The following SEC24B variants were observed in gnomAD, a reference collection of about 807,000 sequenced individuals.
SEC24B encodes SEC24 homolog B, COPII component.
A neutral mutation model predicts 142.8 loss-of-function variants in SEC24B; 45 were observed. The ratio of observed to expected loss-of-function variants is 0.32; its 90% CI spans 0.25 to 0.40. SEC24B has a LOEUF of 0.40. SEC24B is among the 10% of genes least tolerant of loss of function. The pLI is 1.00. For missense variants in SEC24B, 1,409 were observed against 1,526.8 expected (o/e 0.92, Z 1.29); for synonymous variants, 574 against 568.2 (o/e 1.01, Z -0.15).
chr4:109,450,319 C>A (rs1333199021), intron 1 of SEC24B, among the ~76,000 whole-genome samples: 1 of 152,120 alleles, frequency 6.6e-6, no homozygotes, highest in Non-Finnish European at 1.5e-5. Flanking sequence ...AAGAAATATT[C>A]TTTGGGAGAT....
chr4:109,478,001 A>G (rs372051928), intron 3 of SEC24B, among the ~76,000 whole-genome samples: 4 of 152,210 alleles, frequency 2.6e-5, no homozygotes, highest in East Asian at 3.9e-4. Context: ...AATAATTACA[A>G]CTGGGCATGG....
At chr4:109,455,043 T>C (rs150527308) in intron 1 of SEC24B, among the ~76,000 whole-genome samples, 146 of 152,316 alleles carry the variant, frequency 9.6e-4, no homozygotes, top group African/African-American at 3.0e-3. Flanking sequence ...ATGGACAGTT[T>C]CCTCTATCTT....
intron 1 of SEC24B, among the ~76,000 whole-genome samples, chr4:109,457,475 C>T (rs1300714526): frequency 3.3e-5 from 5 of 152,310 alleles, no homozygotes; most frequent in East Asian, 1.9e-4. Flanking sequence ...GAAAACATCA[C>T]GTGGCAGAAG....
Position 109,516,619 on chromosome 4 carries a change from C to A in SEC24B, c.2105C>A (p.Ser702Ter). 1 of 1,603,832 alleles carries A rather than the reference C, an allele frequency of 6.2e-7. No individual in the cohort carries two copies. The highest frequency in any genetic ancestry group is 1.1e-5 in the South Asian group (1 of 90,608). ...EAGYLTILCQSLLENLDKLPG... is the reference protein window; with the variant it reads ...EAGYLTILCQ ...GGATATTTGACAATTTTGTGCCAGT[C>A]ACTCCTAGAAAATCTAGACAAGTAA... The change falls in exon 11 of 24, where the codon TCA becomes TAA. Residue 702 changes from serine (S) to a stop codon, truncating the protein, a stop_gained. Transcript: ENST00000265175. LOFTEE classifies it high-confidence loss of function.
chr4:109,481,803 G>GTTCT, intron 4 of SEC24B, 22 bp downstream of exon 4: 1 of 1,556,802 alleles, frequency 6.4e-7, no homozygotes. Flanking sequence ...CTTTACACCA[G>GTTCT]TTCTTGATCT....
chr4:109,444,767 T>C (rs1170992142), intron 1 of SEC24B, among the ~76,000 whole-genome samples: 6 of 152,118 alleles, frequency 3.9e-5, no homozygotes, highest in African/African-American at 1.2e-4. Context: ...CCATTGAAAA[T>C]ATTATAGACC....
chr4:109,454,690 C>T (rs1452308643), intron 1 of SEC24B, among the ~76,000 whole-genome samples: 4 of 152,216 alleles, frequency 2.6e-5, no homozygotes, highest in Admixed American at 2.6e-4. Context: ...ACCAGATTCC[C>T]TCTTCCCCAA....
At chr4:109,522,058 T>C (rs1723681138) in intron 14 of SEC24B, among the ~76,000 whole-genome samples, 1 of 94,650 alleles carries the variant, frequency 1.1e-5, no homozygotes, top group South Asian at 3.6e-4. Flanking sequence ...TTTGTTTTTG[T>C]TTTTTTTTTT....
chr4:109,503,379 C>T (rs1736369121), intron 6 of SEC24B, among the ~76,000 whole-genome samples: 2 of 152,146 alleles, frequency 1.3e-5, no homozygotes, highest in South Asian at 2.1e-4. Flanking sequence ...GCCCGCCACA[C>T]CACACCCAGC....
Position 109,530,397 on chromosome 4 carries a change from A to C in SEC24B, c.3185A>C (p.His1062Pro). Residue 1062 changes from histidine (H) to proline (P), a missense_variant, in exon 19 of 24, where the codon CAC becomes CCC. Coordinates refer to ENST00000265175, the MANE Select transcript of SEC24B (RefSeq NM_006323.5). Reference protein sequence around the residue: ...AYGSTVSNLQHSALMAPSSLK... With the variant: ...AYGSTVSNLQPSALMAPSSLK... The stretch of plus-strand genomic sequence containing the variant: ...GGCTCAACTGTCTCAAATTTACAGC[A>C]CTCTGCATTGATGGCGCCCAGCTCC... The C allele has an allele frequency of 6.2e-7, 1 of 1,613,988 alleles. No homozygotes were observed. The highest frequency in any genetic ancestry group is 8.5e-7 in the Non-Finnish European group (1 of 1,179,994).
intron 9 of SEC24B, among the ~76,000 whole-genome samples, chr4:109,512,510 C>G (rs1354636506): frequency 6.6e-6 from 1 of 152,066 alleles, no homozygotes; most frequent in African/African-American, 2.4e-5. Context: ...GAGTTGCTTT[C>G]AAATTTATGT....
intron 1 of SEC24B, among the ~76,000 whole-genome samples, chr4:109,456,676 G>T (rs1730728544): frequency 6.6e-6 from 1 of 152,092 alleles, no homozygotes; most frequent in African/African-American, 2.4e-5. Context: ...TCTTAAGTCT[G>T]TTAATATGTT....
chr4:109,506,402 C>T lies in SEC24B; in HGVS notation c.1563C>T (p.Ser521=), dbSNP rs377205205. 5 of 1,610,886 alleles carry T rather than the reference C, an allele frequency of 3.1e-6. No homozygotes were observed. Among genetic ancestry groups the T allele is most frequent in the Non-Finnish European group, 3.4e-6 (4 of 1,178,250 alleles). ...TTCAGAGTTCTCCACAACCAGAAAG[C>T]CTGAGACCTGTAAACCTTACTCAGG... ...LSLQSSPQPE[S]LRPVNLTQER... Residue 521 remains serine (S), a synonymous_variant, in exon 7 of 24, where the codon AGC becomes AGT. Coordinates refer to ENST00000265175, the MANE Select transcript of SEC24B (RefSeq NM_006323.5).
At chr4:109,498,381 G>A (rs539687401) in intron 6 of SEC24B, among the ~76,000 whole-genome samples, 1 of 152,094 alleles carries the variant, frequency 6.6e-6, no homozygotes, top group South Asian at 2.1e-4. Flanking sequence ...ATTTTGAGAC[G>A]GAGTCTTGCT....
chr4:109,472,954 A>T (rs979820807), intron 2 of SEC24B, 50 bp from the exon 3 acceptor site: 3 of 878,584 alleles, frequency 3.4e-6, no homozygotes, highest in African/African-American at 3.5e-5. Flanking sequence ...ACTATATTAT[A>T]TATTAATATA....
intron 4 of SEC24B, among the ~76,000 whole-genome samples, chr4:109,490,496 T>TGTGAAACA (rs1734913732): frequency 6.6e-6 from 1 of 152,100 alleles, no homozygotes; most frequent in South Asian, 2.1e-4. Context: ...GCAAGATCTC[T>TGTGAAACA]AACATAATAG....
At chr4:109,482,975 T>C (rs376444060) in intron 4 of SEC24B, among the ~76,000 whole-genome samples, 12,429 of 54,462 alleles carry the variant, frequency 0.23, 3,070 homozygotes, top group African/African-American at 0.67. Context: ...TATATATATA[T>C]ATATACACAC....
intron 4 of SEC24B, among the ~76,000 whole-genome samples, chr4:109,487,129 C>CA (rs1210250534): frequency 7.2e-6 from 1 of 138,220 alleles, no homozygotes; most frequent in Non-Finnish European, 1.5e-5. Context: ...CACGCCACTG[C>CA]ACTACAGCCT....
chr4:109,530,857 C>G (rs1470517729), intron 19 of SEC24B, among the ~76,000 whole-genome samples: 2 of 139,996 alleles, frequency 1.4e-5, no homozygotes, highest in Non-Finnish European at 3.0e-5. Flanking sequence ...GATCATGCCG[C>G]TGCACCCCAG....
Sources: allele counts gnomAD v4.1 joint callset (sites outside exome capture counted in the v4.1 genomes callset), GRCh38; gene constraint gnomAD v4.1.1; transcripts MANE v1.5; gene names NCBI Gene and HGNC (gene_info 2026-07-23, HGNC 2026-07-21).